ME3: variants seen among roughly 807,000 people sequenced by gnomAD.
ME3 encodes malic enzyme 3, also known as NADP-dependent malic enzyme, mitochondrial.
In ME3, 48 loss-of-function variants were observed where a neutral mutation model predicts 68.9. That is an observed-to-expected ratio of 0.70 (90% CI 0.55 to 0.89). The LOEUF is 0.89. Ranked by LOEUF, ME3 falls within the 40% of genes least tolerant of loss-of-function variation. The probability of loss-of-function intolerance (pLI) is 0.00; values close to 1 mark genes in which losing one functional copy is unlikely to be tolerated. For missense variants in ME3, 675 were observed against 797.4 expected (o/e 0.85, Z 1.85); for synonymous variants, 320 against 318.8 (o/e 1.00, Z -0.04).
chr11:86,652,415 C>T (rs1945510778), intron 2 of ME3, among the ~76,000 whole-genome samples: 1 of 152,112 alleles, frequency 6.6e-6, no homozygotes. Flanking sequence ...ACTCTACAAG[C>T]CAGAAGAGAG....
chr11:86,528,073 G>T (rs1352764518), intron 4 of ME3, among the ~76,000 whole-genome samples: 1 of 152,164 alleles, frequency 6.6e-6, no homozygotes, highest in African/African-American at 2.4e-5. Flanking sequence ...ATTGGATAAA[G>T]AGTCAAGACC....
chr11:86,654,990 A>T (rs1045341610), intron 2 of ME3, among the ~76,000 whole-genome samples: 1 of 152,242 alleles, frequency 6.6e-6, no homozygotes, highest in African/African-American at 2.4e-5. Context: ...GTGAACTCCC[A>T]TTCACAATTG....
intron 12 of ME3, 89 bp downstream of exon 12, chr11:86,446,976 T>C (rs1244566519): frequency 1.9e-5 from 28 of 1,475,468 alleles, no homozygotes; most frequent in Non-Finnish European, 2.5e-5. Context: ...TCATCAGCGA[T>C]GTAGGAGTAT....
chr11:86,471,681 A>G (rs148407983), intron 7 of ME3, among the ~76,000 whole-genome samples: 234 of 152,340 alleles, frequency 1.5e-3, no homozygotes, highest in African/African-American at 4.6e-3. Context: ...CAAACATTTT[A>G]TGCTTGATAT....
intron 2 of ME3, among the ~76,000 whole-genome samples, chr11:86,599,764 T>G (rs1410389826): frequency 1.3e-5 from 2 of 151,618 alleles, no homozygotes; most frequent in Non-Finnish European, 2.9e-5. Flanking sequence ...TGGCAGAAAC[T>G]CTACAAGCCA....
At chr11:86,613,526 A>G (rs1234028282) in intron 2 of ME3, among the ~76,000 whole-genome samples, 1 of 152,160 alleles carries the variant, frequency 6.6e-6, no homozygotes, top group Non-Finnish European at 1.5e-5. Flanking sequence ...AGGAAGTCAA[A>G]TTGTCTCTAT....
intron 2 of ME3, among the ~76,000 whole-genome samples, chr11:86,661,683 T>C (rs1230391899): frequency 2.6e-5 from 4 of 152,166 alleles, no homozygotes; most frequent in African/African-American, 9.7e-5. Flanking sequence ...AACACTGCCA[T>C]TGGAAGTGTT....
intron 4 of ME3, among the ~76,000 whole-genome samples, chr11:86,517,194 G>A (rs1953955186): frequency 6.6e-6 from 1 of 152,224 alleles, no homozygotes; most frequent in Middle Eastern, 3.4e-3. Flanking sequence ...GCACAGCCCG[G>A]TGACCTGCTT....
chr11:86,442,748 C>T (rs763462536), intron 14 of ME3, 73 bp downstream of exon 14: 184 of 1,290,414 alleles, frequency 1.4e-4, no homozygotes, highest in Non-Finnish European at 2.0e-4. Context: ...ATCCCCTTAA[C>T]CCTCCTAAAG....
At chr11:86,519,243 C>A (rs1954095613) in intron 4 of ME3, among the ~76,000 whole-genome samples, 1 of 152,190 alleles carries the variant, frequency 6.6e-6, no homozygotes, top group African/African-American at 2.4e-5. Context: ...TTTCCTCCAT[C>A]TGACAAAGGC....
At chr11:86,601,461 C>A (rs150598772) in intron 2 of ME3, among the ~76,000 whole-genome samples, 5,391 of 149,550 alleles carry the variant, frequency 0.036, 126 homozygotes, top group Non-Finnish European at 0.054. Flanking sequence ...GCAATAATCA[C>A]TAGCTCACCA....
chr11:86,479,628 C>T (rs1455672977), intron 7 of ME3, among the ~76,000 whole-genome samples: 3 of 152,060 alleles, frequency 2.0e-5, no homozygotes, highest in African/African-American at 7.2e-5. Flanking sequence ...TACTTGAATT[C>T]GGTCCTAAAT....
chr11:86,634,051 AT>A (rs1944181052), intron 2 of ME3, among the ~76,000 whole-genome samples: 1 of 152,090 alleles, frequency 6.6e-6, no homozygotes, highest in Non-Finnish European at 1.5e-5. Flanking sequence ...GAGTCCCCAA[AT>A]CCCTCCCAAA....
intron 2 of ME3, among the ~76,000 whole-genome samples, chr11:86,589,964 G>A (rs573460363): frequency 6.6e-6 from 1 of 152,262 alleles, no homozygotes; most frequent in African/African-American, 2.4e-5. Context: ...GAGGTGAGTA[G>A]TGTTTTTAGC....
intron 7 of ME3, among the ~76,000 whole-genome samples, chr11:86,486,710 G>A (rs1951711856): frequency 6.6e-6 from 1 of 152,244 alleles, no homozygotes; most frequent in African/African-American, 2.4e-5. Context: ...GGGTGTGTGA[G>A]GGCTGTCATC....
intron 2 of ME3, among the ~76,000 whole-genome samples, chr11:86,603,887 T>C (rs549068441): frequency 3.0e-5 from 4 of 134,768 alleles, no homozygotes; most frequent in Non-Finnish European, 4.6e-5. Context: ...TAGATGGGAA[T>C]TGAACAATGA....
downstream of ME3, among the ~76,000 whole-genome samples, chr11:86,437,458 C>G (rs1046405322): frequency 2.0e-5 from 3 of 152,060 alleles, no homozygotes; most frequent in African/African-American, 7.2e-5. Context: ...AGATCCTTTA[C>G]ATTACCATAA....
intron 2 of ME3, among the ~76,000 whole-genome samples, chr11:86,608,422 T>A (rs1277887682): frequency 6.6e-6 from 1 of 152,234 alleles, no homozygotes; most frequent in African/African-American, 2.4e-5. Flanking sequence ...CTGGGCAATG[T>A]TGAATCGATT....
intron 4 of ME3, among the ~76,000 whole-genome samples, chr11:86,552,804 C>T (rs992357536): frequency 6.6e-6 from 1 of 152,162 alleles, no homozygotes; most frequent in African/African-American, 2.4e-5. Flanking sequence ...ATCACCCATA[C>T]GGGTTGGACC....
Sources: allele counts gnomAD v4.1 joint callset (sites outside exome capture counted in the v4.1 genomes callset), GRCh38; gene constraint gnomAD v4.1.1; transcripts MANE v1.5; gene names NCBI Gene and HGNC (gene_info 2026-07-23, HGNC 2026-07-21).